Variants in VGLL4 observed in about 807,000 individuals in gnomAD.
VGLL4 encodes the protein vestigial like family member 4.
A neutral mutation model predicts 21.0 loss-of-function variants in VGLL4; 7 were observed. That is an observed-to-expected ratio of 0.33 (90% CI 0.19 to 0.63). The LOEUF is 0.63. Ranked by LOEUF, VGLL4 falls within the 20% of genes least tolerant of loss-of-function variation. The pLI is 0.78. For synonymous variants in VGLL4, 222 were observed against 173.2 expected (o/e 1.28, Z -2.21); for missense variants, 394 against 425.7 (o/e 0.93, Z 0.66).
At chr3:11,701,890 T>C (rs1238400561) in intron 2 of VGLL4, among the ~76,000 whole-genome samples, 2 of 152,236 alleles carry the variant, frequency 1.3e-5, no homozygotes, top group Non-Finnish European at 2.9e-5. Context: ...CAATATTGTT[T>C]AGCAAGTAAT....
At chr3:11,629,363 GA>G (rs67261334) in intron 1 of VGLL4, among the ~76,000 whole-genome samples, 97,393 of 147,394 alleles carry the variant, frequency 0.66, 32,177 homozygotes, top group African/African-American at 0.77. Flanking sequence ...CATGTAGATT[GA>G]AAAAAAAAAA....
At chr3:11,708,528 C>T (rs565765370) in intron 1 of VGLL4, among the ~76,000 whole-genome samples, 13 of 151,222 alleles carry the variant, frequency 8.6e-5, no homozygotes, top group African/African-American at 1.9e-4. Context: ...GGCCAGGTCA[C>T]GTGTGCCTGG....
intron 2 of VGLL4, among the ~76,000 whole-genome samples, chr3:11,692,135 G>A (rs1246900759): frequency 2.0e-5 from 3 of 152,170 alleles, no homozygotes; most frequent in Admixed American, 1.3e-4. Context: ...TTTGTTTAAA[G>A]GAAACAGTCA....
chr3:11,617,295 G>T (rs1211423221), intron 1 of VGLL4, among the ~76,000 whole-genome samples: 1 of 152,140 alleles, frequency 6.6e-6, no homozygotes, highest in Admixed American at 6.5e-5. Flanking sequence ...CTAGAACAAC[G>T]GGTTTGTTTC....
At chr3:11,563,191 A>G (rs531234858) in intron 3 of VGLL4, among the ~76,000 whole-genome samples, 8 of 152,314 alleles carry the variant, frequency 5.3e-5, no homozygotes, top group African/African-American at 1.7e-4. Flanking sequence ...CCCCCAGGTC[A>G]TCAAGGGCCA....
chr3:11,680,483 G>A (rs2076353006), intron 2 of VGLL4, among the ~76,000 whole-genome samples: 1 of 152,178 alleles, frequency 6.6e-6, no homozygotes, highest in South Asian at 2.1e-4. Context: ...AGGAAATCAA[G>A]ATGATCACAG....
intron 1 of VGLL4, among the ~76,000 whole-genome samples, chr3:11,627,569 TGA>T (rs1191394753): frequency 7.2e-6 from 1 of 138,124 alleles, no homozygotes; most frequent in Non-Finnish European, 1.5e-5. Context: ...CACTCCAGCC[TGA>T]GTGACAAGAG....
At chr3:11,699,001 T>C (rs2076643159) in intron 2 of VGLL4, among the ~76,000 whole-genome samples, 1 of 152,226 alleles carries the variant, frequency 6.6e-6, no homozygotes, top group South Asian at 2.1e-4. Context: ...TCTCAAGTAG[T>C]AGAACATTTT....
Position 11,625,349 on chromosome 3 carries a change from G to A in VGLL4, c.82+18088C>T, listed in dbSNP as rs189230055. Reference sequence around the variant, plus strand: ...CCTCTATGACAACAAAACTCTAGAAGACGTAGTTTATAATACATTATGGTT... The same window carrying A: ...CCTCTATGACAACAAAACTCTAGAAAACGTAGTTTATAATACATTATGGTT... On this transcript the variant is annotated intron_variant, in intron 1 of 4. Coordinates refer to ENST00000430365, the MANE Select transcript of VGLL4 (RefSeq NM_001128219.3). 3.1e-4 allele frequency among the ~76,000 whole-genome samples: 47 copies of A among 152,332 alleles called. 1 individual carries two copies. The highest frequency in any genetic ancestry group is 1.2e-4 in the Non-Finnish European group (8 of 68,034).
At chr3:11,645,751 C>T (rs2075781431), upstream of VGLL4, among the ~76,000 whole-genome samples, 1 of 151,888 alleles carries the variant, frequency 6.6e-6, no homozygotes, top group Admixed American at 6.6e-5. Context: ...ACGGGCGGAT[C>T]ACTTGAGGTC....
chr3:11,573,245 GAGAAAGAAAGAAAGAAAGAA>G lies in VGLL4; in HGVS notation c.273-8246_273-8227del, dbSNP rs777365240. 1.7e-3 allele frequency among the ~76,000 whole-genome samples: 133 copies of G among 78,760 alleles called. 5 individuals carry two copies. The highest frequency in any genetic ancestry group is 2.2e-3 in the Non-Finnish European group (100 of 45,954). The allele number at this position is 78,760 out of a possible 152,430, so 51.7% of individuals were successfully genotyped here. A position where few individuals can be genotyped will look rare whatever the true frequency, so the allele number is the denominator to read the frequency against. On this transcript the variant is annotated intron_variant, in intron 2 of 4. Coordinates refer to ENST00000430365, the MANE Select transcript of VGLL4 (RefSeq NM_001128219.3). Reference sequence around the variant, plus strand: ...AAGACAGACAGAAAGAAAAGAAATAGAGAAAGAAAGAAAGAAAGAAAGAAAGAAAGAAAGAAAGAAAGAAA... The same window carrying G: ...AAGACAGACAGAAAGAAAAGAAATAGAGAAAGAAAGAAAGAAAGAAAGAAA...
chr3:11,593,985 G>A (rs1447083067), intron 2 of VGLL4, among the ~76,000 whole-genome samples: 1 of 152,312 alleles, frequency 6.6e-6, no homozygotes, highest in South Asian at 2.1e-4. Flanking sequence ...GTGGCCGGGG[G>A]CAAATACACT....
Position 11,565,646 on chromosome 3 carries a change from C to T in VGLL4, c.273-627G>A, listed in dbSNP as rs867854071. Among the ~76,000 whole-genome samples, 35 of 152,288 alleles carry T rather than the reference C, an allele frequency of 2.3e-4. No individual in the cohort carries two copies. The highest frequency in any genetic ancestry group is 7.7e-4 in the African/African-American group (32 of 41,552). On this transcript the variant is annotated intron_variant, in intron 2 of 4. Coordinates refer to ENST00000430365, the MANE Select transcript of VGLL4 (RefSeq NM_001128219.3). The surrounding 1 kb of genome is among the most constrained non-coding windows in gnomAD (Gnocchi z 4.1). ...CCCGGGGTGCTGTAGGGAGCCGGCGCGCAGCTCTCTCGTCCAGGACACACG... is the reference window on the plus strand; with the variant it reads ...CCCGGGGTGCTGTAGGGAGCCGGCGTGCAGCTCTCTCGTCCAGGACACACG...
rs923677719 is a variant in VGLL4 at position 11,556,934 on chromosome 3, C to G, written c.*1622G>C. The G allele has an allele frequency of 2.0e-5, 3 of 152,782 alleles. No homozygotes were observed. The highest frequency in any genetic ancestry group is 1.5e-5 in the Non-Finnish European group (1 of 68,062). 9.5% of individuals were successfully genotyped at this position (152,782 alleles called of 1,614,324 possible). A position where few individuals can be genotyped will look rare whatever the true frequency, so the allele number is the denominator to read the frequency against. ...AAGGCCTGCAGCCACTCTGTGACTA[C>G]AAGAGCCAGTCCTCCGACCTTTTCA... On this transcript the variant is annotated 3_prime_UTR_variant, in exon 5 of 5. Coordinates refer to ENST00000430365, the MANE Select transcript of VGLL4 (RefSeq NM_001128219.3).
At chr3:11,689,472 G>A (rs143230284) in intron 2 of VGLL4, among the ~76,000 whole-genome samples, 8 of 152,256 alleles carry the variant, frequency 5.3e-5, no homozygotes, top group African/African-American at 1.9e-4. Context: ...TAATGTCCAT[G>A]AACTTTCTTG....
At chr3:11,708,103 A>C (rs1017337609) in intron 1 of VGLL4, among the ~76,000 whole-genome samples, 3 of 152,202 alleles carry the variant, frequency 2.0e-5, no homozygotes, top group Admixed American at 6.5e-5. Context: ...GGGAAATGAC[A>C]ACCTCTGTGT....
At chr3:11,562,390 CCA>C (rs1043448393) in intron 3 of VGLL4, among the ~76,000 whole-genome samples, 8 of 152,140 alleles carry the variant, frequency 5.3e-5, no homozygotes, top group African/African-American at 1.9e-4. Context: ...ACATTTTCTG[CCA>C]CACAGAGGAA....
rs553878413 is a variant in VGLL4 at position 11,567,699 on chromosome 3, C to T, written c.273-2680G>A. Among the ~76,000 whole-genome samples, 52 of 152,354 alleles carry T rather than the reference C, an allele frequency of 3.4e-4. 2 individuals carry two copies. The Middle Eastern group carries it at 0.02, about 60-fold the overall frequency. On this transcript the variant is annotated intron_variant, in intron 2 of 4. Coordinates refer to ENST00000430365, the MANE Select transcript of VGLL4 (RefSeq NM_001128219.3). ...ACCAGAAGACCTTCCGCGGAACGGA[C>T]GTCAGGCCAAGCAGTCCTGAGATCT...
rs866947822 is a variant in VGLL4, at chr3:11,691,357, G to C, written c.64+11614C>G. Reference sequence around the variant, plus strand: ...GTTTCCAGTTTGTCTTGAGTAGTCAGAAAAGCTGACAAATCCAGCCCCACA... The same window carrying C: ...GTTTCCAGTTTGTCTTGAGTAGTCACAAAAGCTGACAAATCCAGCCCCACA... On this transcript the variant is annotated intron_variant, in intron 2 of 5. Transcript: ENST00000273038. Among the ~76,000 whole-genome samples the C allele has an allele frequency of 1.8e-4, 28 of 152,080 alleles. 1 individual carries two copies. The Middle Eastern group carries it at 0.01, about 55-fold the overall frequency.
Sources: allele counts gnomAD v4.1 joint callset (sites outside exome capture counted in the v4.1 genomes callset), GRCh38; gene constraint gnomAD v4.1.1; non-coding constraint Gnocchi (gnomAD v3.1); transcripts MANE v1.5; gene names NCBI Gene and HGNC (gene_info 2026-07-23, HGNC 2026-07-21).